Variants in SGCZ observed in about 807,000 individuals in gnomAD.
SGCZ encodes the protein zeta-sarcoglycan.
SGCZ carries 40 observed loss-of-function variants against 41.3 expected under a neutral mutation model. The observed-to-expected ratio is 0.97, with a 90% confidence interval of 0.75 to 1.26. The LOEUF (loss-of-function observed/expected upper bound fraction) is 1.26. Ranked by LOEUF, SGCZ falls within the 50% of genes most tolerant of loss-of-function variation. The pLI is 0.00. For missense variants in SGCZ, 552 were observed against 369.8 expected, an observed-to-expected ratio of 1.49 and a Z score of -4.04; for synonymous variants, 206 against 137.5, an observed-to-expected ratio of 1.50 and a Z score of -3.49.
chr8:14,305,200 A>G lies in SGCZ; in HGVS notation c.336+18903T>C, dbSNP rs551489950. Among the ~76,000 whole-genome samples, 11 of 152,320 alleles carry G rather than the reference A, an allele frequency of 7.2e-5. No homozygotes were observed. The South Asian group carries it at 1.4e-3, about 20-fold the overall frequency. On this transcript the variant is annotated intron_variant, in intron 3 of 7. Coordinates refer to ENST00000382080, the MANE Select transcript of SGCZ (RefSeq NM_139167.4). ...TTATAGGGCAATCAATGTAACAAAT[A>G]ATCTACCAATATAACTATCATATGA...
At chr8:14,187,460 G>T (rs1804942892) in intron 4 of SGCZ, among the ~76,000 whole-genome samples, 1 of 152,094 alleles carries the variant, frequency 6.6e-6, no homozygotes, top group South Asian at 2.1e-4. Context: ...CAACTATTTT[G>T]AAGAATTAAA....
chr8:15,023,040 G>C (rs1435949937), intron 1 of SGCZ, among the ~76,000 whole-genome samples: 5 of 152,218 alleles, frequency 3.3e-5, no homozygotes, highest in Admixed American at 1.3e-4. Flanking sequence ...TGTCTGATTA[G>C]TCAGTCAGCT....
intron 1 of SGCZ, among the ~76,000 whole-genome samples, chr8:14,880,985 T>C (rs2130723026): frequency 6.6e-6 from 1 of 152,178 alleles, no homozygotes; most frequent in South Asian, 2.1e-4. Flanking sequence ...ACAGACAACT[T>C]AGTAAGAGCC....
chr8:14,551,425 A>T (rs1240801081), intron 2 of SGCZ, among the ~76,000 whole-genome samples: 1 of 97,974 alleles, frequency 1.0e-5, no homozygotes, highest in East Asian at 2.8e-4. Context: ...GATGATTCAA[A>T]TTTTCCTCTT....
At chr8:14,375,165 T>C (rs1804069252) in intron 2 of SGCZ, among the ~76,000 whole-genome samples, 1 of 152,068 alleles carries the variant, frequency 6.6e-6, no homozygotes, top group African/African-American at 2.4e-5. Flanking sequence ...TGGCATGGAT[T>C]GTGATAAGAA....
intron 4 of SGCZ, among the ~76,000 whole-genome samples, chr8:14,181,430 G>C (rs1463667252): frequency 2.0e-5 from 3 of 152,198 alleles, no homozygotes; most frequent in African/African-American, 7.2e-5. Context: ...ACTGGGGATT[G>C]CATCCACCCA....
intron 1 of SGCZ, among the ~76,000 whole-genome samples, chr8:14,883,235 T>TAAAA (rs370971113): frequency 7.9e-4 from 109 of 138,010 alleles, no homozygotes; most frequent in African/African-American, 2.4e-3. Flanking sequence ...TTGGGCTACT[T>TAAAA]AAAAAAAAAA....
intron 1 of SGCZ, among the ~76,000 whole-genome samples, chr8:14,836,732 G>T (rs1200157758): frequency 6.6e-6 from 1 of 152,090 alleles, no homozygotes; most frequent in African/African-American, 2.4e-5. Context: ...AACTCCTTGA[G>T]CTCAAGCAAT....
intron 3 of SGCZ, among the ~76,000 whole-genome samples, chr8:14,284,391 C>G (rs1467140696): frequency 3.3e-5 from 5 of 152,194 alleles, no homozygotes; most frequent in African/African-American, 1.2e-4. Flanking sequence ...GACATTATCT[C>G]ACACAAACAC....
intron 3 of SGCZ, among the ~76,000 whole-genome samples, chr8:14,298,341 T>C (rs984460371): frequency 6.6e-6 from 1 of 151,904 alleles, no homozygotes; most frequent in African/African-American, 2.4e-5. Flanking sequence ...AATATTGTAG[T>C]CAGGCCTCAC....
intron 1 of SGCZ, among the ~76,000 whole-genome samples, chr8:15,054,800 C>T (rs1249810112): frequency 2.8e-5 from 4 of 141,462 alleles, no homozygotes; most frequent in African/African-American, 7.8e-5. Context: ...TAAAAAAATA[C>T]AAAAAAAAAA....
At chr8:14,140,582 A>G (rs1360050958) in intron 5 of SGCZ, among the ~76,000 whole-genome samples, 1 of 152,170 alleles carries the variant, frequency 6.6e-6, no homozygotes, top group Non-Finnish European at 1.5e-5. Context: ...TGCTTCAAAG[A>G]GAATAAAATA....
At chr8:14,317,416 T>C (rs1801755081) in intron 3 of SGCZ, among the ~76,000 whole-genome samples, 1 of 151,914 alleles carries the variant, frequency 6.6e-6, no homozygotes, top group Non-Finnish European at 1.5e-5. Context: ...ATGCTGAATG[T>C]TAGCTATTAT....
chr8:14,433,873 A>G (rs1800013934), intron 2 of SGCZ, among the ~76,000 whole-genome samples: 1 of 152,220 alleles, frequency 6.6e-6, no homozygotes, highest in African/African-American at 2.4e-5. Flanking sequence ...CTGTTTGAGA[A>G]TGATGTTAAT....
chr8:15,188,887 A>G (rs1169831313), intron 1 of SGCZ, among the ~76,000 whole-genome samples: 4 of 152,108 alleles, frequency 2.6e-5, no homozygotes, highest in Admixed American at 2.6e-4. Flanking sequence ...GTGTGGGAGG[A>G]AAAAAAGAAG....
intron 2 of SGCZ, among the ~76,000 whole-genome samples, chr8:14,484,238 C>A (rs944958476): frequency 6.6e-6 from 1 of 152,014 alleles, no homozygotes; most frequent in Non-Finnish European, 1.5e-5. Flanking sequence ...TTTTTATTTC[C>A]ATTTCTATCA....
chr8:14,426,183 T>A (rs2117320930), intron 2 of SGCZ, among the ~76,000 whole-genome samples: 1 of 152,262 alleles, frequency 6.6e-6, no homozygotes, highest in Non-Finnish European at 1.5e-5. Context: ...TTATCTTCCA[T>A]TAAGCTTAAT....
At chr8:14,239,410 A>C (rs894621354) in intron 3 of SGCZ, among the ~76,000 whole-genome samples, 10 of 152,146 alleles carry the variant, frequency 6.6e-5, no homozygotes, top group Non-Finnish European at 1.2e-4. Context: ...AGTTCAAAAA[A>C]TTGTGAAAAA....
intron 1 of SGCZ, among the ~76,000 whole-genome samples, chr8:15,147,510 T>A (rs1335735507): frequency 6.6e-6 from 1 of 152,176 alleles, no homozygotes; most frequent in Admixed American, 6.5e-5. Context: ...ACTCCTGACC[T>A]CAGGTGATCC....
Sources: gnomAD v4.1 joint callset for allele counts (sites outside exome capture counted in the v4.1 genomes callset) on GRCh38, gnomAD v4.1.1 for gene constraint, MANE v1.5 for transcripts, NCBI Gene and HGNC (gene_info 2026-07-23, HGNC 2026-07-21) for gene names.